PHACTR3: variants seen among roughly 807,000 people sequenced by gnomAD.
The protein encoded by PHACTR3 is phosphatase and actin regulator 3.
PHACTR3 carries 16 observed loss-of-function variants against 66.8 expected under a neutral mutation model. The ratio of observed to expected loss-of-function variants is 0.24; its 90% CI spans 0.16 to 0.36. The LOEUF (loss-of-function observed/expected upper bound fraction) is 0.36, where lower values mean the gene tolerates loss of function less well. PHACTR3 is among the 10% of genes least tolerant of loss of function. The probability of loss-of-function intolerance (pLI) is 1.00; values close to 1 mark genes in which losing one functional copy is unlikely to be tolerated. For missense variants in PHACTR3, 647 were observed against 719.9 expected (o/e 0.90, Z 1.16); for synonymous variants, 323 against 292.1 (o/e 1.11, Z -1.08).
intron 1 of PHACTR3, among the ~76,000 whole-genome samples, chr20:59,732,028 T>A (rs2146721820): frequency 6.6e-6 from 1 of 152,318 alleles, no homozygotes; most frequent in South Asian, 2.1e-4. Context: ...ATAGCGGTTG[T>A]CTGATAGGTC....
At chr20:59,698,224 T>C (rs1030887506) in intron 1 of PHACTR3, among the ~76,000 whole-genome samples, 1 of 152,132 alleles carries the variant, frequency 6.6e-6, no homozygotes, top group African/African-American at 2.4e-5. Flanking sequence ...AATACCATGT[T>C]TGTAAACCTA....
At chr20:59,662,091 T>C (rs1156668871) in intron 1 of PHACTR3, among the ~76,000 whole-genome samples, 1 of 152,190 alleles carries the variant, frequency 6.6e-6, no homozygotes, top group Non-Finnish European at 1.5e-5. Context: ...CATTCATTCC[T>C]TCATTTATTC....
intron 8 of PHACTR3, among the ~76,000 whole-genome samples, chr20:59,813,080 T>A (rs186840719): frequency 1.3e-3 from 202 of 152,304 alleles, no homozygotes; most frequent in Non-Finnish European, 1.7e-3. Context: ...AATGTTTGTG[T>A]TAATGAGGTG....
intron 1 of PHACTR3, among the ~76,000 whole-genome samples, chr20:59,720,088 G>A (rs371624659): frequency 3.9e-5 from 6 of 152,204 alleles, no homozygotes; most frequent in African/African-American, 1.4e-4. Flanking sequence ...AGGCATCTGT[G>A]CTGGGCAGAC....
intron 1 of PHACTR3, among the ~76,000 whole-genome samples, chr20:59,696,712 G>A (rs534454479): frequency 6.6e-6 from 1 of 152,296 alleles, no homozygotes; most frequent in East Asian, 1.9e-4. Context: ...AGCTGCCCAT[G>A]GAGAACACAA....
At chr20:59,600,272 T>C (rs2033438536), upstream of PHACTR3, among the ~76,000 whole-genome samples, 1 of 152,204 alleles carries the variant, frequency 6.6e-6, no homozygotes, top group Admixed American at 6.5e-5. Flanking sequence ...CTGTACTCAT[T>C]GAAATTAATT....
chr20:59,669,340 A>G (rs2036111231), intron 1 of PHACTR3, among the ~76,000 whole-genome samples: 1 of 152,192 alleles, frequency 6.6e-6, no homozygotes, highest in African/African-American at 2.4e-5. Context: ...GGGGACTTAA[A>G]ATAATCAGTG....
At chr20:59,613,741 A>G (rs1340560231) in intron 1 of PHACTR3, among the ~76,000 whole-genome samples, 1 of 152,236 alleles carries the variant, frequency 6.6e-6, no homozygotes. Context: ...AACCTCAGAT[A>G]GAAAGAATCT....
intron 1 of PHACTR3, among the ~76,000 whole-genome samples, chr20:59,691,520 C>G (rs2092026430): frequency 6.6e-6 from 1 of 152,072 alleles, no homozygotes; most frequent in Non-Finnish European, 1.5e-5. Context: ...TTGTGTCTAT[C>G]CTTGCAACAA....
chr20:59,733,143 T>G (rs2038829268), intron 1 of PHACTR3, among the ~76,000 whole-genome samples: 1 of 150,700 alleles, frequency 6.6e-6, no homozygotes, highest in African/African-American at 2.4e-5. Flanking sequence ...TCCTCCATTA[T>G]AAGCAGTGTG....
chr20:59,704,425 C>T (rs2037621378), intron 1 of PHACTR3, among the ~76,000 whole-genome samples: 2 of 152,034 alleles, frequency 1.3e-5, no homozygotes, highest in Non-Finnish European at 2.9e-5. Context: ...GCTTTCTCTC[C>T]TGGATTATTT....
At chr20:59,613,306 T>A (rs149453465) in intron 1 of PHACTR3, among the ~76,000 whole-genome samples, 26 of 152,352 alleles carry the variant, frequency 1.7e-4, no homozygotes, top group African/African-American at 6.3e-4. Flanking sequence ...GGACGTTCAG[T>A]GAATTTCATA....
intron 9 of PHACTR3, among the ~76,000 whole-genome samples, chr20:59,840,155 C>G (rs2059032458): frequency 6.6e-6 from 1 of 152,102 alleles, no homozygotes; most frequent in African/African-American, 2.4e-5. Flanking sequence ...GGGATGACAG[C>G]AAAGCTTTGC....
chr20:59,708,446 C>T (rs6015557), intron 1 of PHACTR3, among the ~76,000 whole-genome samples: 13,905 of 152,186 alleles, frequency 0.091, 1,975 homozygotes, highest in African/African-American at 0.3. Context: ...GGAAAGCATC[C>T]GCCCAGAAGG....
chr20:59,805,995 TC>T lies in PHACTR3; in HGVS notation c.1175-45del, dbSNP rs749261427. 34 of 1,580,800 alleles carry T rather than the reference TC, an allele frequency of 2.2e-5. No homozygotes were observed. In the African/African-American group the frequency reaches 4.4e-4, roughly 20 times the overall value. The stretch of plus-strand genomic sequence containing the variant: ...CAAGCCAGCCCTCCGCTAAGACCTG[TC>T]TCCTTTGTTCCCTTCTCTCCTCTTG... On this transcript the variant is annotated intron_variant, in intron 7 of 12. Coordinates refer to ENST00000371015, the MANE Select transcript of PHACTR3 (RefSeq NM_080672.5).
intron 5 of PHACTR3, among the ~76,000 whole-genome samples, chr20:59,771,076 G>A (rs1274953334): frequency 6.6e-6 from 1 of 152,192 alleles, no homozygotes; most frequent in South Asian, 2.1e-4. Context: ...CTCTATGGGG[G>A]CCGTGGGGGC....
chr20:59,679,637 G>A (rs770362725), intron 1 of PHACTR3, among the ~76,000 whole-genome samples: 5 of 152,036 alleles, frequency 3.3e-5, no homozygotes, highest in Admixed American at 6.5e-5. Context: ...ACCCAAGACT[G>A]GGTAATTTAT....
At chr20:59,835,032 C>T (rs1217837558) in intron 8 of PHACTR3, among the ~76,000 whole-genome samples, 1 of 152,190 alleles carries the variant, frequency 6.6e-6, no homozygotes, top group African/African-American at 2.4e-5. Context: ...CTGCAGGCCA[C>T]GGGTTAGACA....
upstream of PHACTR3, among the ~76,000 whole-genome samples, chr20:59,599,962 T>G (rs1416891439): frequency 6.6e-6 from 1 of 152,174 alleles, no homozygotes; most frequent in African/African-American, 2.4e-5. Flanking sequence ...GACCCACCAC[T>G]GCCTCAGTGG....
Sources: gnomAD v4.1 joint callset for allele counts (sites outside exome capture counted in the v4.1 genomes callset) on GRCh38, gnomAD v4.1.1 for gene constraint, MANE v1.5 for transcripts, NCBI Gene and HGNC (gene_info 2026-07-23, HGNC 2026-07-21) for gene names.